GPC3: variants seen among roughly 807,000 people sequenced by gnomAD.
The protein encoded by GPC3 is glypican 3.
GPC3 carries 3 observed loss-of-function variants against 34.4 expected under a neutral mutation model. The ratio of observed to expected loss-of-function variants is 0.09; its 90% CI spans 0.04 to 0.23. The LOEUF is 0.23. Ranked by LOEUF, GPC3 falls within the 10% of genes least tolerant of loss-of-function variation. The pLI is 1.00. For missense variants in GPC3, 351 were observed against 445.6 expected (o/e 0.79, Z 1.91); for synonymous variants, 177 against 174.0 (o/e 1.02, Z -0.13).
intron 7 of GPC3, among the ~76,000 whole-genome samples, chrX:133,553,951 G>A (rs1334216823): frequency 9.0e-6 from 1 of 110,789 alleles, no homozygotes; most frequent in African/African-American, 3.3e-5. Context: ...ATTCTTTTCA[G>A]GGTTTCCATC....
chrX:133,599,748 C>T (rs1167660541), intron 6 of GPC3, among the ~76,000 whole-genome samples: 2 of 111,621 alleles, frequency 1.8e-5, no homozygotes, highest in Non-Finnish European at 3.8e-5. Context: ...TCATGGAATA[C>T]CTGAATGATA....
intron 1 of GPC3, among the ~76,000 whole-genome samples, chrX:133,984,068 C>CGCAT (rs1258637559): frequency 4.4e-5 from 5 of 113,020 alleles, no homozygotes; most frequent in Non-Finnish European, 9.4e-5. Flanking sequence ...CCACGGGGTG[C>CGCAT]GCATCCGCAT....
Position 133,674,234 on chromosome X carries a change from A to C in GPC3, c.1293-12384T>G, listed in dbSNP as rs981322339. Among the ~76,000 whole-genome samples the C allele has an allele frequency of 1.1e-4, 12 of 111,054 alleles. No homozygotes were observed. In the Admixed American group the frequency reaches 1.1e-3, roughly 11 times the overall value. ...GTACAGGAGAACCAGTCTCTAAAAA[A>C]AATAAAAAAGAGCTTCCTGAGAGAG... On this transcript the variant is annotated intron_variant, in intron 5 of 7. Coordinates refer to ENST00000370818, the MANE Select transcript of GPC3 (RefSeq NM_004484.4).
At chrX:133,843,855 A>T (rs1239059185) in intron 2 of GPC3, among the ~76,000 whole-genome samples, 2 of 112,112 alleles carry the variant, frequency 1.8e-5, no homozygotes, top group African/African-American at 6.5e-5. Flanking sequence ...TTCTTCCACA[A>T]AGTCATTTTT....
At chrX:133,898,421 T>C (rs1307535922) in intron 2 of GPC3, among the ~76,000 whole-genome samples, 4 of 112,482 alleles carry the variant, frequency 3.6e-5, no homozygotes, top group African/African-American at 1.3e-4. Context: ...GATGAAGTAC[T>C]GTTTAGGAAA....
rs760974627 is a variant in GPC3, at chrX:133,596,588, G to C, written c.1425C>G (p.Thr475=). ...GAACTCTACCTTTGGGCATAGACAT[G>C]GTTCTCAGGAGCTGAAAGAAAACAA... ...KLKHINQLLR[T]MSMPKGRVLD... is the part of the protein sequence containing the mutation. The change falls in exon 7 of 8, where the codon ACC becomes ACG. Residue 475 remains threonine, a synonymous_variant. Coordinates refer to ENST00000370818, the MANE Select transcript of GPC3 (RefSeq NM_004484.4). The C allele has an allele frequency of 5.0e-6, 6 of 1,210,508 alleles. No homozygotes were observed. The highest frequency in any genetic ancestry group is 6.7e-6 in the Non-Finnish European group (6 of 894,641).
intron 2 of GPC3, among the ~76,000 whole-genome samples, chrX:133,890,266 A>C (rs181706177): frequency 6.3e-4 from 70 of 111,313 alleles, no homozygotes; most frequent in African/African-American, 2.2e-3. Context: ...AATGCTGGAG[A>C]CTGTGGTTAT....
At chrX:133,817,681 G>A (rs756329329) in intron 2 of GPC3, among the ~76,000 whole-genome samples, 1 of 107,965 alleles carries the variant, frequency 9.3e-6, no homozygotes, top group Admixed American at 1.0e-4. Context: ...TAAAAACTAT[G>A]TGTATGGAGG....
chrX:133,816,451 T>G (rs747104351), intron 2 of GPC3, among the ~76,000 whole-genome samples: 1 of 112,198 alleles, frequency 8.9e-6, no homozygotes, highest in African/African-American at 3.2e-5. Flanking sequence ...GTTCTGACAG[T>G]GGAGTTCTTA....
intron 6 of GPC3, among the ~76,000 whole-genome samples, chrX:133,628,455 A>C (rs911425858): frequency 1.8e-5 from 2 of 110,934 alleles, no homozygotes; most frequent in Non-Finnish European, 3.8e-5. Context: ...CAGGGGTTCA[A>C]GACCAGCCTG....
chrX:133,888,862 A>G (rs2076073626), intron 2 of GPC3, among the ~76,000 whole-genome samples: 1 of 112,278 alleles, frequency 8.9e-6, no homozygotes, highest in African/African-American at 3.2e-5. Context: ...CTGTATGTCA[A>G]CACACAAACT....
chrX:133,892,683 G>A (rs1325536681), intron 2 of GPC3, among the ~76,000 whole-genome samples: 1 of 110,424 alleles, frequency 9.1e-6, no homozygotes, highest in Non-Finnish European at 1.9e-5. Context: ...AAAAGGGAAA[G>A]AAGGTCAAGC....
intron 2 of GPC3, among the ~76,000 whole-genome samples, chrX:133,799,927 T>C (rs1312916709): frequency 8.9e-6 from 1 of 112,157 alleles, no homozygotes; most frequent in African/African-American, 3.2e-5. Flanking sequence ...TCTACAGCTT[T>C]CCAGGTGTCC....
At chrX:133,680,926 C>T (rs1360164406) in intron 5 of GPC3, among the ~76,000 whole-genome samples, 1 of 111,456 alleles carries the variant, frequency 9.0e-6, no homozygotes, top group Non-Finnish European at 1.9e-5. Context: ...AAATGCCCAC[C>T]ATTTGAACCA....
intron 6 of GPC3, among the ~76,000 whole-genome samples, chrX:133,640,535 T>C (rs1469584760): frequency 8.9e-6 from 1 of 112,516 alleles, no homozygotes; most frequent in African/African-American, 3.2e-5. Context: ...TCTGGCAGCC[T>C]CTGCCGAAGG....
intron 2 of GPC3, among the ~76,000 whole-genome samples, chrX:133,899,553 T>C (rs1055534626): frequency 1.8e-5 from 2 of 111,491 alleles, no homozygotes; most frequent in Non-Finnish European, 3.8e-5. Flanking sequence ...TGAATCCCAT[T>C]CTACTAGACT....
At chrX:133,658,671 T>C (rs1209114057) in intron 6 of GPC3, among the ~76,000 whole-genome samples, 1 of 112,192 alleles carries the variant, frequency 8.9e-6, no homozygotes, top group Non-Finnish European at 1.9e-5. Flanking sequence ...GTCCAACCAA[T>C]TTTAACAGCT....
At chrX:133,857,894 A>G (rs1367981317) in intron 2 of GPC3, among the ~76,000 whole-genome samples, 1 of 112,125 alleles carries the variant, frequency 8.9e-6, no homozygotes, top group Non-Finnish European at 1.9e-5. Flanking sequence ...CTTGTTTTAA[A>G]AAGTACTTAT....
At chrX:133,616,115 A>C (rs1156324889) in intron 6 of GPC3, among the ~76,000 whole-genome samples, 2 of 111,998 alleles carry the variant, frequency 1.8e-5, no homozygotes, top group Non-Finnish European at 3.8e-5. Flanking sequence ...TCATATTGAC[A>C]AGTAACACGA....
Sources: allele counts gnomAD v4.1 joint callset (sites outside exome capture counted in the v4.1 genomes callset), GRCh38; gene constraint gnomAD v4.1.1; transcripts MANE v1.5; gene names NCBI Gene and HGNC (gene_info 2026-07-23, HGNC 2026-07-21).